Variants in ENAM observed in about 807,000 individuals in gnomAD.
ENAM encodes amelogenesis imperfecta 2, hypocalcification (autosomal dominant).
In ENAM, 21 loss-of-function variants were observed where a neutral mutation model predicts 33.6. The observed-to-expected ratio is 0.63, with a 90% confidence interval of 0.44 to 0.90. The LOEUF (loss-of-function observed/expected upper bound fraction) is 0.90. Ranked by LOEUF, ENAM falls within the 40% of genes least tolerant of loss-of-function variation. The pLI is 0.00. For missense variants in ENAM, 1,388 were observed against 1,366.9 expected, an observed-to-expected ratio of 1.02 and a Z score of -0.24; for synonymous variants, 473 against 468.4, an observed-to-expected ratio of 1.01 and a Z score of -0.13.
chr4:70,642,829 A>T lies in ENAM; in HGVS notation c.1403A>T (p.Lys468Ile). ...AACTCTCAACAGTATGAAGTTAATAAATCAAATTATAAACTGCCTCACTCT... is the reference window on the plus strand; with the variant it reads ...AACTCTCAACAGTATGAAGTTAATATATCAAATTATAAACTGCCTCACTCT... ...WRNSQQYEVNKSNYKLPHSEG... is the reference protein window; with the variant it reads ...WRNSQQYEVNISNYKLPHSEG... The change falls in exon 9 of 9, where the codon AAA becomes ATA. Residue 468 changes from lysine (K) to isoleucine (I), a missense_variant. Coordinates refer to ENST00000396073, the MANE Select transcript of ENAM (RefSeq NM_031889.3). 6.2e-7 allele frequency: 1 copy of T among 1,614,066 alleles called. No homozygotes were observed. The highest frequency in any genetic ancestry group is 1.1e-5 in the South Asian group (1 of 91,078).
At chr4:70,632,578 T>G in intron 4 of ENAM, 73 bp from the exon 5 acceptor site, 1 of 1,139,106 alleles carries the variant, frequency 8.8e-7, no homozygotes, top group Non-Finnish European at 1.3e-6. Context: ...ATTTTACTTA[T>G]TTCTTACGAT....
At chr4:70,631,917 A>G in intron 4 of ENAM, 24 bp downstream of exon 4, 2 of 1,602,458 alleles carry the variant, frequency 1.2e-6, no homozygotes, top group East Asian at 2.2e-5. Flanking sequence ...GTCTCAGAGG[A>G]GAAGTTATCC....
intron 8 of ENAM, among the ~76,000 whole-genome samples, chr4:70,638,299 A>G (rs1325119987): frequency 6.6e-6 from 1 of 152,062 alleles, no homozygotes; most frequent in Non-Finnish European, 1.5e-5. Flanking sequence ...TTAATATTCC[A>G]GCTCTATGTC....
Position 70,635,820 on chromosome 4 carries a change from CTT to C in ENAM, c.472-10_472-9del. ...CAATACCACATCACTCTGATTCTTT[CTT>C]TCTCTCTAGGCATTCCCACCATTTG... On this transcript the variant is annotated splice_polypyrimidine_tract_variant and intron_variant, in intron 6 of 8. Transcript: ENST00000396073. 6.4e-7 allele frequency: 1 copy of C among 1,561,508 alleles called. No homozygotes were observed. The highest frequency in any genetic ancestry group is 8.8e-7 in the Non-Finnish European group (1 of 1,132,900).
In ENAM at chr4:70,644,396, T is replaced by C. The variant is rs772307506; in HGVS notation, c.2970T>C (p.Leu990=). 10 of 1,614,150 alleles carry C rather than the reference T, an allele frequency of 6.2e-6. No individual in the cohort carries two copies. Among genetic ancestry groups the C allele is most frequent in the Non-Finnish European group, 8.5e-6 (10 of 1,180,006 alleles). ...SKNTPCLKND[L]GGDGNNILEQ... ...ATACACCTTGTCTCAAAAATGATCT[T>C]GGAGGAGATGGGAACAACATTCTGG... The change falls in exon 9 of 9, where the codon CTT becomes CTC. Residue 990 remains leucine, a synonymous_variant. Transcript: ENST00000396073.
chr4:70,644,914 G>C lies in ENAM; in HGVS notation c.*59G>C. The C allele has an allele frequency of 1.2e-5, 18 of 1,492,118 alleles. No individual in the cohort carries two copies. The highest frequency in any genetic ancestry group is 1.7e-5 in the Non-Finnish European group (18 of 1,071,930). 92.4% of individuals were successfully genotyped at this position (1,492,118 alleles called of 1,614,324 possible). On this transcript the variant is annotated 3_prime_UTR_variant, in exon 9 of 9. Transcript: ENST00000396073. ...AAATCACTGACATTCTATACCAATG[G>C]TTCCCAAAATTTTTTCCCCAAGACT...
In ENAM at chr4:70,631,730, G is replaced by C. The variant is rs771520507; in HGVS notation, c.115G>C (p.Ala39Pro). 1 of 1,613,248 alleles carries C rather than the reference G, an allele frequency of 6.2e-7. No homozygotes were observed. Among genetic ancestry groups the C allele is most frequent in the African/African-American group, 1.3e-5 (1 of 74,922 alleles). ...TCTAGGGCTTCTTGGTAATTCTGTT[G>C]CTATGCCAGTGAGTATTTTTTAAAT... ...VFLGLLGNSV[A>P]MPMHMPRMPG... is the part of the protein sequence containing the mutation. Residue 39 changes from alanine (A) to proline (P), a missense_variant, in exon 3 of 9, where the codon GCT becomes CCT. Physicochemically the swap from Ala to Pro is conservative, Grantham distance 27 (BLOSUM62 -1). Coordinates refer to ENST00000396073, the MANE Select transcript of ENAM (RefSeq NM_031889.3).
At chr4:70,630,101 C>CT (rs997947299) in intron 2 of ENAM, among the ~76,000 whole-genome samples, 1 of 152,130 alleles carries the variant, frequency 6.6e-6, no homozygotes, top group African/African-American at 2.4e-5. Flanking sequence ...TTTTCATTCT[C>CT]TATGATGTTC....
intron 1 of ENAM, among the ~76,000 whole-genome samples, 182 bp downstream of exon 1, chr4:70,629,146 G>A (rs984180578): frequency 2.0e-5 from 3 of 151,968 alleles, no homozygotes; most frequent in African/African-American, 7.2e-5. Flanking sequence ...TGTTTTTCTT[G>A]TAAGTTTTTT....
chr4:70,637,875 G>A, intron 8 of ENAM, 32 bp downstream of exon 8: 1 of 1,526,978 alleles, frequency 6.5e-7, no homozygotes, highest in Non-Finnish European at 9.1e-7. Flanking sequence ...TTCTCCACTA[G>A]AAATTACAAT....
chr4:70,641,416 A>C (rs1180078130), intron 8 of ENAM, among the ~76,000 whole-genome samples: 2 of 137,684 alleles, frequency 1.5e-5, no homozygotes, highest in African/African-American at 5.5e-5. Context: ...TTTGAGATGG[A>C]GTCTCGCTGT....
intron 5 of ENAM, 77 bp from the exon 6 acceptor site, chr4:70,634,231 G>T (rs1000531546): frequency 4.6e-5 from 66 of 1,432,446 alleles, no homozygotes; most frequent in Non-Finnish European, 6.4e-5. Flanking sequence ...CTGAGTTTTA[G>T]AGGCTGACAT....
chr4:70,632,887 TC>T (rs1254491962), intron 5 of ENAM, among the ~76,000 whole-genome samples, 195 bp downstream of exon 5: 1 of 152,158 alleles, frequency 6.6e-6, no homozygotes, highest in African/African-American at 2.4e-5. Flanking sequence ...TTACTATTGT[TC>T]TTTCATGTAA....
Position 70,643,559 on chromosome 4 carries a change from G to A in ENAM, c.2133G>A (p.Arg711=), listed in dbSNP as rs1483852284. The part of the protein sequence containing the change: ...PYSLDNPSKP[R]EDFYYSEFYP... ...CTTTAGATAATCCATCAAAACCAAGGGAGGATTTTTATTACAGTGAATTTT... is the reference window on the plus strand; with the variant it reads ...CTTTAGATAATCCATCAAAACCAAGAGAGGATTTTTATTACAGTGAATTTT... Residue 711 remains arginine (R), a synonymous_variant, in exon 9 of 9, where the codon AGG becomes AGA. Transcript: ENST00000396073. 6.2e-7 allele frequency: 1 copy of A among 1,613,936 alleles called. No individual in the cohort carries two copies. The highest frequency in any genetic ancestry group is 1.1e-5 in the South Asian group (1 of 91,072).
intron 6 of ENAM, among the ~76,000 whole-genome samples, chr4:70,635,203 C>T (rs895317363): frequency 6.6e-6 from 1 of 152,028 alleles, no homozygotes; most frequent in African/African-American, 2.4e-5. Context: ...ATGGTGAAAC[C>T]CTGTCTCTAC....
intron 2 of ENAM, 114 bp from the exon 3 acceptor site, chr4:70,631,556 A>G (rs1738320697): frequency 1.2e-6 from 1 of 813,942 alleles, no homozygotes; most frequent in Non-Finnish European, 2.1e-6. Flanking sequence ...CAGGGGCCCC[A>G]TCCATTTCCA....
chr4:70,637,985 G>A (rs1320459358), intron 8 of ENAM, 142 bp downstream of exon 8: 2 of 696,938 alleles, frequency 2.9e-6, no homozygotes, highest in Non-Finnish European at 5.0e-6. Flanking sequence ...AAATAAAAAA[G>A]TTAAACAAAT....
intron 8 of ENAM, among the ~76,000 whole-genome samples, chr4:70,638,051 G>A (rs1430546226): frequency 6.6e-6 from 1 of 152,166 alleles, no homozygotes. Flanking sequence ...AACAGAGAAA[G>A]AAGTAAGAGT....
At chr4:70,634,996 T>A (rs943251405) in intron 6 of ENAM, among the ~76,000 whole-genome samples, 1 of 152,190 alleles carries the variant, frequency 6.6e-6, no homozygotes, top group Non-Finnish European at 1.5e-5. Flanking sequence ...TAAATTAACA[T>A]TGCTTCCAGT....
Sources: allele counts gnomAD v4.1 joint callset (sites outside exome capture counted in the v4.1 genomes callset), GRCh38; gene constraint gnomAD v4.1.1; transcripts MANE v1.5; gene names NCBI Gene and HGNC (gene_info 2026-07-23, HGNC 2026-07-21).